The following ZNF184 variants were observed in gnomAD, a reference collection of about 807,000 sequenced individuals.
The protein encoded by ZNF184 is zinc finger protein 184 (Kruppel-like).
Under a neutral mutation model 54.4 loss-of-function variants are expected in ZNF184, and 16 were observed. The ratio of observed to expected loss-of-function variants is 0.29; its 90% CI spans 0.20 to 0.45. ZNF184 has a LOEUF of 0.45. Ranked by LOEUF, ZNF184 falls within the 20% of genes least tolerant of loss-of-function variation. The pLI is 1.00. For synonymous variants in ZNF184, 254 were observed against 295.3 expected, an observed-to-expected ratio of 0.86 and a Z score of 1.43; for missense variants, 681 against 888.2, an observed-to-expected ratio of 0.77 and a Z score of 2.97.
the ZNF184 span, among the ~76,000 whole-genome samples, chr6:27,422,139 TCAAAAA>T: frequency 1.0e-4 from 1 of 9,640 alleles, no homozygotes; most frequent in African/African-American, 9.9e-4. Flanking sequence ...AGGCCGTACC[TCAAAAA>T]AAAAAAGAAA....
chr6:27,434,092 C>T, the ZNF184 span, among the ~76,000 whole-genome samples: 1 of 152,008 alleles, frequency 6.6e-6, no homozygotes, highest in East Asian at 1.9e-4. Flanking sequence ...GCAACCATAG[C>T]TCACTGCAGC....
At chr6:27,450,133 C>T (rs537714250), downstream of ZNF184, among the ~76,000 whole-genome samples, 1 of 152,324 alleles carries the variant, frequency 6.6e-6, no homozygotes, top group African/African-American at 2.4e-5. Flanking sequence ...TGTAATCTCA[C>T]TGACTGTCAA....
chr6:27,430,040 A>C, the ZNF184 span, among the ~76,000 whole-genome samples: 1 of 152,218 alleles, frequency 6.6e-6, no homozygotes, highest in Non-Finnish European at 1.5e-5. Context: ...TGGGTGGAGA[A>C]GTGACTAGGA....
the ZNF184 span, among the ~76,000 whole-genome samples, chr6:27,417,830 C>T: frequency 0.017 from 2,552 of 152,194 alleles, 85 homozygotes; most frequent in East Asian, 0.13. Flanking sequence ...CTATGTAAAA[C>T]AAAATAATTT....
rs765558641 is a variant in ZNF184, at chr6:27,451,799, T to TTGTAAG, written c.1754_1759dup (p.Tyr586_Lys587insThrTyr). On this transcript the variant is annotated inframe_insertion, in exon 6 of 6. Coordinates refer to ENST00000683788, the MANE Select transcript of ZNF184 (RefSeq NM_001318891.2). ...GAATGCTCTCCCACACTCATTACAC[T>TTGTAAG]TGTAAGGTCGTTCTCCAGTATGGAT... The TTGTAAG allele has an allele frequency of 6.2e-7, 1 of 1,613,958 alleles. No individual in the cohort carries two copies.
At chr6:27,443,507 C>T in the ZNF184 span, among the ~76,000 whole-genome samples, 1 of 152,180 alleles carries the variant, frequency 6.6e-6, no homozygotes, top group Non-Finnish European at 1.5e-5. Context: ...ATATCTCAGG[C>T]TCTCAGGCCT....
the ZNF184 span, chr6:27,404,055 T>A: frequency 1.3e-5 from 2 of 152,168 alleles, no homozygotes; most frequent in African/African-American, 4.8e-5. Context: ...CTCCATTGTG[T>A]GTAAAAAAAT....
the ZNF184 span, among the ~76,000 whole-genome samples, chr6:27,415,683 C>G: frequency 6.6e-6 from 1 of 152,088 alleles, no homozygotes; most frequent in African/African-American, 2.4e-5. Context: ...AAAAGCTGTT[C>G]CAGGCTTCTC....
the ZNF184 span, among the ~76,000 whole-genome samples, chr6:27,422,201 A>G: frequency 4.8e-5 from 5 of 103,184 alleles, no homozygotes; most frequent in African/African-American, 1.0e-4. Context: ...AGAAAGAAAG[A>G]AAGAAAGAAA....
chr6:27,434,395 T>G, the ZNF184 span, among the ~76,000 whole-genome samples: 2 of 152,224 alleles, frequency 1.3e-5, no homozygotes, highest in Non-Finnish European at 2.9e-5. Flanking sequence ...TACCTTGTTG[T>G]GGTTTTTATT....
intron 3 of ZNF184, 89 bp from the exon 4 acceptor site, chr6:27,457,498 T>C (rs754556546): frequency 5.7e-6 from 8 of 1,404,530 alleles, no homozygotes; most frequent in Non-Finnish European, 7.7e-6. Context: ...TAAGGCAGTC[T>C]ATAGGATGTC....
Position 27,452,167 on chromosome 6 carries a change from G to A in ZNF184, c.1392C>T (p.His464=). Residue 464 remains histidine, a synonymous_variant, in exon 6 of 6, where the codon CAC becomes CAT. Coordinates refer to ENST00000683788, the MANE Select transcript of ZNF184 (RefSeq NM_001318891.2). This position sits in a 1 kb window ranked among gnomAD's most constrained non-coding sequence, Gnocchi z 5.5. Reference sequence around the variant, plus strand: ...GTTTTTCTCCAGTATGAATTTTCAGGTGTTGAGCAAGGGATGACCAGTAAC... The same window carrying A: ...GTTTTTCTCCAGTATGAATTTTCAGATGTTGAGCAAGGGATGACCAGTAAC... ...SFSYWSSLAQ[H]LKIHTGEKPY... 6.2e-7 allele frequency: 1 copy of A among 1,613,508 alleles called. No individual in the cohort carries two copies. Among genetic ancestry groups the A allele is most frequent in the Non-Finnish European group, 8.5e-7 (1 of 1,179,864 alleles).
At chr6:27,412,076 C>G in the ZNF184 span, among the ~76,000 whole-genome samples, 2 of 152,164 alleles carry the variant, frequency 1.3e-5, no homozygotes, top group Non-Finnish European at 2.9e-5. Flanking sequence ...AGATGAGGGC[C>G]GGCAACTGCC....
the ZNF184 span, among the ~76,000 whole-genome samples, chr6:27,430,782 T>C: frequency 8.5e-3 from 1,288 of 152,346 alleles, 24 homozygotes; most frequent in African/African-American, 0.03. Flanking sequence ...GAAACAAATA[T>C]ACTCTTCTTT....
chr6:27,463,069 AAAAAG>A (rs56372039), intron 3 of ZNF184, among the ~76,000 whole-genome samples: 84,752 of 131,830 alleles, frequency 0.64, 27,805 homozygotes, highest in Middle Eastern at 0.75. Context: ...AAAAAAAAAA[AAAAAG>A]AGAGAACACA....
Position 27,453,607 on chromosome 6 carries a change from G to A in ZNF184, c.299-347C>T. On this transcript the variant is annotated intron_variant, in intron 5 of 5. Transcript: ENST00000683788. The surrounding 1 kb of genome is among the most constrained non-coding windows in gnomAD (Gnocchi z 4.7). Reference sequence around the variant, plus strand: ...GGGGCAGTTTGAATTGGGATTCCTTGCTAATAAACAACAAAACAAAAAATC... The same window carrying A: ...GGGGCAGTTTGAATTGGGATTCCTTACTAATAAACAACAAAACAAAAAATC... Among the ~76,000 whole-genome samples the A allele has an allele frequency of 6.6e-6, 1 of 152,110 alleles. No individual in the cohort carries two copies. Among genetic ancestry groups the A allele is most frequent in the East Asian group, 1.9e-4 (1 of 5,196 alleles).
the ZNF184 span, among the ~76,000 whole-genome samples, chr6:27,407,253 C>T: frequency 6.9e-6 from 1 of 145,822 alleles, no homozygotes; most frequent in African/African-American, 2.5e-5. Context: ...TCAGCAGCAG[C>T]TCTCATCATC....
the ZNF184 span, among the ~76,000 whole-genome samples, chr6:27,425,377 C>T: frequency 1.3e-5 from 2 of 152,222 alleles, no homozygotes; most frequent in Admixed American, 6.5e-5. Context: ...ACTGCCAGCA[C>T]GCTGTCACCT....
At chr6:27,407,958 T>C in the ZNF184 span, 10 of 1,505,330 alleles carry the variant, frequency 6.6e-6, no homozygotes, top group African/African-American at 8.2e-5. Flanking sequence ...CAATGATGGA[T>C]ACATTGACTA....
Sources: allele counts gnomAD v4.1 joint callset (sites outside exome capture counted in the v4.1 genomes callset), GRCh38; gene constraint gnomAD v4.1.1; non-coding constraint Gnocchi (gnomAD v3.1); transcripts MANE v1.5; gene names NCBI Gene and HGNC (gene_info 2026-07-23, HGNC 2026-07-21).